Variants in DCC observed in about 807,000 individuals in gnomAD.
The protein encoded by DCC is netrin receptor DCC.
DCC carries 58 observed loss-of-function variants against 172.5 expected under a neutral mutation model. The observed-to-expected ratio is 0.34, with a 90% CI of 0.27 to 0.42. The LOEUF is 0.42. Among genes scored for constraint, DCC ranks in the 10% least tolerant of loss-of-function variants. The pLI, the probability that DCC is intolerant of heterozygous loss-of-function variation, is 1.00. For missense variants in DCC, 1,740 were observed against 1,791.0 expected, an observed-to-expected ratio of 0.97 and a Z score of 0.51; for synonymous variants, 709 against 644.5, an observed-to-expected ratio of 1.10 and a Z score of -1.52.
At chr18:53,168,571 G>T (rs940360718) in intron 8 of DCC, among the ~76,000 whole-genome samples, 1 of 148,620 alleles carries the variant, frequency 6.7e-6, no homozygotes, top group African/African-American at 2.5e-5. Context: ...GTCTGGGGGC[G>T]GGCGGGGGGG....
chr18:52,510,755 T>G, intron 1 of DCC, among the ~76,000 whole-genome samples: 1 of 152,210 alleles, frequency 6.6e-6, no homozygotes, highest in Non-Finnish European at 1.5e-5. Context: ...TCATCGGTCT[T>G]CCCTGGAACA....
At chr18:52,774,686 T>G (rs1008804227) in intron 2 of DCC, among the ~76,000 whole-genome samples, 3 of 151,902 alleles carry the variant, frequency 2.0e-5, no homozygotes, top group Non-Finnish European at 4.4e-5. Flanking sequence ...GAGCATACAG[T>G]CGGGTCCTGG....
At chr18:52,477,647 C>T (rs1989131874) in intron 1 of DCC, among the ~76,000 whole-genome samples, 1 of 152,110 alleles carries the variant, frequency 6.6e-6, no homozygotes. Flanking sequence ...AGAACACTCG[C>T]CCAACACCCC....
At chr18:52,992,302 T>G (rs185934543) in intron 5 of DCC, among the ~76,000 whole-genome samples, 4 of 152,282 alleles carry the variant, frequency 2.6e-5, no homozygotes, top group African/African-American at 9.6e-5. Flanking sequence ...AAATGCAATG[T>G]GTTGTGAAGA....
rs866728286 is a variant in DCC at position 53,429,100 on chromosome 18, T to C, written c.3164-6044T>C. 7.7e-4 allele frequency among the ~76,000 whole-genome samples: 70 copies of C among 91,076 alleles called. 3 individuals carry two copies. Among genetic ancestry groups the C allele is most frequent in the Non-Finnish European group, 1.4e-3 (60 of 41,600 alleles). 59.7% of individuals were successfully genotyped at this position (91,076 alleles called of 152,430 possible). On this transcript the variant is annotated intron_variant, in intron 21 of 28. Transcript: ENST00000442544. The stretch of plus-strand genomic sequence containing the variant: ...TATATTTTATATAATATATATTTTA[T>C]ATATAATATATATATTTTATATATA...
chr18:52,468,972 A>G (rs1396288958), intron 1 of DCC, among the ~76,000 whole-genome samples: 4 of 152,200 alleles, frequency 2.6e-5, no homozygotes, highest in African/African-American at 4.8e-5. Context: ...ACTGACAACA[A>G]TAAGCTAACT....
chr18:52,797,618 T>A (rs2037900547), intron 2 of DCC, among the ~76,000 whole-genome samples: 1 of 152,168 alleles, frequency 6.6e-6, no homozygotes, highest in African/African-American at 2.4e-5. Context: ...CTGGGTTAGT[T>A]CTTGTGCACC....
intron 1 of DCC, among the ~76,000 whole-genome samples, chr18:52,689,947 T>C (rs943987810): frequency 6.6e-6 from 1 of 152,154 alleles, no homozygotes; most frequent in African/African-American, 2.4e-5. Flanking sequence ...GTCGAATCTA[T>C]TTTGACTAGA....
At chr18:52,915,350 C>A (rs960237867) in intron 3 of DCC, among the ~76,000 whole-genome samples, 1 of 152,028 alleles carries the variant, frequency 6.6e-6, no homozygotes, top group African/African-American at 2.4e-5. Flanking sequence ...TTTATATGAC[C>A]AACCTAGTCA....
At chr18:53,107,316 T>G (rs1411989322) in intron 7 of DCC, among the ~76,000 whole-genome samples, 1 of 151,846 alleles carries the variant, frequency 6.6e-6, no homozygotes, top group Non-Finnish European at 1.5e-5. Context: ...ACCTACTGCA[T>G]GTCTTATGTG....
chr18:52,902,729 C>T lies in DCC; in HGVS notation c.413-3315C>T, dbSNP rs151208108. Among the ~76,000 whole-genome samples, 1,510 of 152,240 alleles carry T rather than the reference C, an allele frequency of 9.9e-3. 16 individuals are homozygous for T. The highest frequency in any genetic ancestry group is 0.013 in the Non-Finnish European group (884 of 68,024). Reference sequence around the variant, plus strand: ...GTTGTTACACCACCATGAGATGTAACTGCTAAAATTTAGCACAATATTGGG... The same window carrying T: ...GTTGTTACACCACCATGAGATGTAATTGCTAAAATTTAGCACAATATTGGG... On this transcript the variant is annotated intron_variant, in intron 2 of 28. Coordinates refer to ENST00000442544, the MANE Select transcript of DCC (RefSeq NM_005215.4).
At chr18:53,124,543 C>T (rs574340862) in intron 7 of DCC, among the ~76,000 whole-genome samples, 1 of 152,128 alleles carries the variant, frequency 6.6e-6, no homozygotes, top group Non-Finnish European at 1.5e-5. Context: ...CTTGACATTA[C>T]TTAGTTGTGG....
At chr18:52,864,917 G>A (rs143264523) in intron 2 of DCC, among the ~76,000 whole-genome samples, 3,170 of 151,836 alleles carry the variant, frequency 0.021, 57 homozygotes, top group Admixed American at 0.04. Flanking sequence ...CCAGCCTGGA[G>A]TGCAGTGGCA....
At chr18:52,549,259 G>A in intron 1 of DCC, among the ~76,000 whole-genome samples, 1 of 151,954 alleles carries the variant, frequency 6.6e-6, no homozygotes, top group East Asian at 1.9e-4. Context: ...TTCCTGATGT[G>A]ACAACTAGAG....
chr18:53,515,327 C>A (rs913992722), intron 27 of DCC, among the ~76,000 whole-genome samples: 1 of 149,932 alleles, frequency 6.7e-6, no homozygotes, highest in South Asian at 2.1e-4. Flanking sequence ...CTATGAGAAA[C>A]CCACAGCCAA....
At chr18:52,729,813 A>G (rs1371653718) in intron 1 of DCC, among the ~76,000 whole-genome samples, 8 of 151,136 alleles carry the variant, frequency 5.3e-5, no homozygotes, top group Non-Finnish European at 1.2e-4. Flanking sequence ...GGCAAATCTA[A>G]GGGTAGAACC....
chr18:52,987,155 C>T lies in DCC; in HGVS notation c.985+61785C>T, dbSNP rs1356760592. Among the ~76,000 whole-genome samples the T allele has an allele frequency of 2.0e-5, 3 of 152,044 alleles. No homozygotes were observed. The East Asian group carries it at 5.8e-4, about 29-fold the overall frequency. On this transcript the variant is annotated intron_variant, in intron 5 of 28. Coordinates refer to ENST00000442544, the MANE Select transcript of DCC (RefSeq NM_005215.4). Reference sequence around the variant, plus strand: ...ATAATTTTAAGATTAAAAACAAAACCCAAATATGGTTTCCTCCCCCTTTCT... The same window carrying T: ...ATAATTTTAAGATTAAAAACAAAACTCAAATATGGTTTCCTCCCCCTTTCT...
At position 53,159,008 on chromosome 18, in the gene DCC, A is replaced by AAAAAAAAAAAAAAAAAAAAAAAAG. The variant is rs34406723; in HGVS notation, c.1418+1496_1418+1497insAAAAAAAAAAAAAAAAAAAAAAAG. Reference sequence around the variant, plus strand: ...CATCTCAAAAAAAAAAAAAAAAAGAAGAAGATGTAGGCATACCCATATTGC... The same window carrying AAAAAAAAAAAAAAAAAAAAAAAAG: ...CATCTCAAAAAAAAAAAAAAAAAGAAAAAAAAAAAAAAAAAAAAAAAAAGGAAGATGTAGGCATACCCATATTGC... On this transcript the variant is annotated intron_variant, in intron 8 of 28. Coordinates refer to ENST00000442544, the MANE Select transcript of DCC (RefSeq NM_005215.4). Among the ~76,000 whole-genome samples, 179 of 119,128 alleles carry AAAAAAAAAAAAAAAAAAAAAAAAG rather than the reference A, an allele frequency of 1.5e-3. 24 individuals carry two copies. The highest frequency in any genetic ancestry group is 5.4e-3 in the African/African-American group (166 of 30,614). 78.2% of individuals were successfully genotyped at this position (119,128 alleles called of 152,430 possible). A position where few individuals can be genotyped will look rare whatever the true frequency, so the allele number is the denominator to read the frequency against.
At chr18:52,705,406 A>AG in intron 1 of DCC, among the ~76,000 whole-genome samples, 1 of 152,202 alleles carries the variant, frequency 6.6e-6, no homozygotes, top group Non-Finnish European at 1.5e-5. Context: ...TTTGAAAGGA[A>AG]GCCAACATGC....
Sources: gnomAD v4.1 joint callset for allele counts (sites outside exome capture counted in the v4.1 genomes callset) on GRCh38, gnomAD v4.1.1 for gene constraint, MANE v1.5 for transcripts, NCBI Gene and HGNC (gene_info 2026-07-23, HGNC 2026-07-21) for gene names.